NPAS3: variants seen among roughly 807,000 people sequenced by gnomAD.
The protein encoded by NPAS3 is neuronal PAS domain-containing protein 3.
In NPAS3, 14 loss-of-function variants were observed where a neutral mutation model predicts 73.1. That is an observed-to-expected ratio of 0.19 (90% confidence interval 0.13 to 0.30). The LOEUF (loss-of-function observed/expected upper bound fraction) is 0.30, where lower values mean the gene tolerates loss of function less well. Among genes scored for constraint, NPAS3 ranks in the 10% least tolerant of loss-of-function variants. The pLI is 1.00. For synonymous variants in NPAS3, 620 were observed against 541.5 expected (o/e 1.14, Z -2.01); for missense variants, 1,096 against 1,250.0 (o/e 0.88, Z 1.86).
intron 2 of NPAS3, among the ~76,000 whole-genome samples, chr14:33,148,155 G>C (rs2044315440): frequency 6.6e-6 from 1 of 151,980 alleles, no homozygotes; most frequent in Non-Finnish European, 1.5e-5. Flanking sequence ...CTGAGTGTGT[G>C]GTTAAATTTT....
intron 3 of NPAS3, among the ~76,000 whole-genome samples, chr14:33,327,573 T>C (rs76297234): frequency 2.2e-3 from 341 of 152,318 alleles, no homozygotes; most frequent in African/African-American, 7.9e-3. Context: ...TACATTATGG[T>C]TCTGTAAATG....
At chr14:33,196,053 GA>G (rs1566662663) in intron 2 of NPAS3, among the ~76,000 whole-genome samples, 1 of 152,182 alleles carries the variant, frequency 6.6e-6, no homozygotes, top group Admixed American at 6.5e-5. Flanking sequence ...CAGAGTCAGA[GA>G]AATTAAATGT....
chr14:33,357,723 C>T (rs980420193), intron 3 of NPAS3, among the ~76,000 whole-genome samples: 17 of 152,084 alleles, frequency 1.1e-4, no homozygotes, highest in South Asian at 2.1e-4. Flanking sequence ...GCTGGGGTTT[C>T]GGCAAAGCAC....
intron 4 of NPAS3, among the ~76,000 whole-genome samples, chr14:33,502,229 G>C (rs991942572): frequency 6.6e-6 from 1 of 151,602 alleles, no homozygotes; most frequent in African/African-American, 2.4e-5. Flanking sequence ...CTTTTTTTCT[G>C]TTTCTAGCTC....
intron 6 of NPAS3, among the ~76,000 whole-genome samples, chr14:33,676,830 C>G (rs914833348): frequency 2.6e-5 from 4 of 152,120 alleles, no homozygotes; most frequent in African/African-American, 9.6e-5. Context: ...TTTAAAGCAT[C>G]AGAAGGTACT....
intron 4 of NPAS3, among the ~76,000 whole-genome samples, chr14:33,507,227 GT>G (rs1213219058): frequency 1.3e-5 from 2 of 151,948 alleles, no homozygotes; most frequent in African/African-American, 4.8e-5. Flanking sequence ...ATAGAATGCA[GT>G]TTTTTGGTTA....
intron 3 of NPAS3, among the ~76,000 whole-genome samples, chr14:33,306,325 C>G: frequency 6.6e-6 from 1 of 152,112 alleles, no homozygotes; most frequent in South Asian, 2.1e-4. Flanking sequence ...TAAATTGGTA[C>G]AAAGCTCAAA....
chr14:33,095,166 A>AAATCATTTTAAATC (rs2042365663), intron 2 of NPAS3, among the ~76,000 whole-genome samples: 1 of 152,200 alleles, frequency 6.6e-6, no homozygotes, highest in Non-Finnish European at 1.5e-5. Context: ...AAATCATTAT[A>AAATCATTTTAAATC]AAATTGGAGG....
intron 2 of NPAS3, among the ~76,000 whole-genome samples, chr14:33,062,523 C>T (rs79435370): frequency 0.016 from 2,497 of 152,240 alleles, 54 homozygotes; most frequent in African/African-American, 0.056. Context: ...TGGATAGGCG[C>T]AGGCAGCATG....
chr14:33,252,521 T>C (rs1296077748), intron 3 of NPAS3, among the ~76,000 whole-genome samples: 1 of 152,014 alleles, frequency 6.6e-6, no homozygotes, highest in African/African-American at 2.4e-5. Flanking sequence ...GATGTAGTGG[T>C]TATTCTTTTA....
chr14:33,663,527 CT>C (rs1181131771), intron 5 of NPAS3, among the ~76,000 whole-genome samples: 1 of 152,094 alleles, frequency 6.6e-6, no homozygotes, highest in Admixed American at 6.5e-5. Flanking sequence ...CTGAAATTTT[CT>C]TTTTTTGTTG....
At chr14:33,646,799 G>A (rs1038345871) in intron 5 of NPAS3, among the ~76,000 whole-genome samples, 4 of 152,136 alleles carry the variant, frequency 2.6e-5, no homozygotes, top group African/African-American at 7.2e-5. Context: ...TCACACGTTA[G>A]CAATTCTTCA....
intron 4 of NPAS3, among the ~76,000 whole-genome samples, chr14:33,493,581 C>T (rs920938083): frequency 1.3e-5 from 2 of 152,078 alleles, no homozygotes; most frequent in Non-Finnish European, 2.9e-5. Flanking sequence ...GTTACCTCAG[C>T]CCGCTGTGAG....
chr14:32,938,462 A>AGAGAGAGAGAGAGACATT, upstream of NPAS3, among the ~76,000 whole-genome samples: 1 of 95,634 alleles, frequency 1.0e-5, no homozygotes, highest in South Asian at 3.4e-4. Context: ...CGAGAAAGAG[A>AGAGAGAGAGAGAGACATT]GAGAGAGAGA....
At chr14:33,200,537 C>G (rs1165774030) in intron 2 of NPAS3, among the ~76,000 whole-genome samples, 1 of 151,544 alleles carries the variant, frequency 6.6e-6, no homozygotes, top group Admixed American at 6.6e-5. Context: ...ATAATTAAAT[C>G]CTACTCCCAG....
rs566395122 is a variant in NPAS3 at position 33,317,586 on chromosome 14, G to A, written c.386-49600G>A. On this transcript the variant is annotated intron_variant, in intron 3 of 11. Transcript: ENST00000356141. ...AGGTGGTTACTTCCATGCTGTTCTC[G>A]TGATAGTGAGTTCTCATGAGATCTG... Among the ~76,000 whole-genome samples the A allele has an allele frequency of 2.9e-3, 434 of 152,170 alleles. 1 individual carries two copies. The highest frequency in any genetic ancestry group is 4.1e-3 in the Non-Finnish European group (277 of 67,988).
chr14:33,637,625 A>T (rs528676362), intron 5 of NPAS3, among the ~76,000 whole-genome samples: 1 of 152,330 alleles, frequency 6.6e-6, no homozygotes, highest in East Asian at 1.9e-4. Flanking sequence ...ACATAAAATC[A>T]ATACATCTTA....
intron 4 of NPAS3, among the ~76,000 whole-genome samples, chr14:33,501,854 G>A (rs576171266): frequency 6.6e-6 from 1 of 151,980 alleles, no homozygotes; most frequent in South Asian, 2.1e-4. Flanking sequence ...TCAGGAAGTT[G>A]TATGTCACAA....
Position 33,187,881 on chromosome 14 carries a change from T to C in NPAS3, c.141-27301T>C, listed in dbSNP as rs182297550. On this transcript the variant is annotated intron_variant, in intron 2 of 11. Transcript: ENST00000356141. ...GTTGTTACTTCTTCTTGTTACCTTA[T>C]TTAGTAGAATCTAAGATATATTTTC... 6.6e-5 allele frequency among the ~76,000 whole-genome samples: 10 copies of C among 152,330 alleles called. No individual in the cohort carries two copies. The East Asian group carries it at 1.9e-3, about 29-fold the overall frequency.
Sources: allele counts gnomAD v4.1 joint callset (sites outside exome capture counted in the v4.1 genomes callset), GRCh38; gene constraint gnomAD v4.1.1; transcripts MANE v1.5; gene names NCBI Gene and HGNC (gene_info 2026-07-23, HGNC 2026-07-21).